ITGA2: variants seen among roughly 807,000 people sequenced by gnomAD.
ITGA2 encodes integrin subunit alpha 2, also known as integrin alpha-2.
A neutral mutation model predicts 146.3 loss-of-function variants in ITGA2; 101 were observed. That is an observed-to-expected ratio of 0.69 (90% CI 0.59 to 0.81). ITGA2 has a LOEUF of 0.81. Ranked by LOEUF, ITGA2 falls within the 40% of genes least tolerant of loss-of-function variation. The probability of loss-of-function intolerance (pLI) is 0.00; values close to 1 mark genes in which losing one functional copy is unlikely to be tolerated. For synonymous variants in ITGA2, 477 were observed against 487.1 expected (o/e 0.98, Z 0.27); for missense variants, 1,281 against 1,402.7 (o/e 0.91, Z 1.39).
intron 24 of ITGA2, among the ~76,000 whole-genome samples, chr5:53,080,121 A>G (rs1191467749): frequency 6.6e-6 from 1 of 152,154 alleles, no homozygotes; most frequent in Non-Finnish European, 1.5e-5. Context: ...CACAGATGGC[A>G]TTTTTAACCA....
chr5:53,042,291 T>A (rs918918248), intron 3 of ITGA2, 70 bp downstream of exon 3: 1 of 1,001,590 alleles, frequency 1.0e-6, no homozygotes, highest in African/African-American at 1.6e-5. Context: ...ATCAGAACAA[T>A]CATTGTTCTG....
rs919940673 is a variant in ITGA2 at position 53,093,379 on chromosome 5, G to C, written c.*2780G>C. The C allele has an allele frequency of 6.6e-6, 1 of 152,138 alleles. No homozygotes were observed. The highest frequency in any genetic ancestry group is 1.5e-5 in the Non-Finnish European group (1 of 68,078). The allele number at this position is 152,138 out of a possible 1,614,324, so 9.4% of individuals were successfully genotyped here. ...GTCTCTGCACCATTTATCACACCAG[G>C]ACAGGGTCTCTCAACCTGGGCGCTA... is the stretch of plus-strand genomic sequence containing the variant. On this transcript the variant is annotated 3_prime_UTR_variant, in exon 30 of 30. Coordinates refer to ENST00000296585, the MANE Select transcript of ITGA2 (RefSeq NM_002203.4).
chr5:53,007,842 T>A (rs1741933666), intron 1 of ITGA2, among the ~76,000 whole-genome samples: 1 of 152,148 alleles, frequency 6.6e-6, no homozygotes, highest in African/African-American at 2.4e-5. Flanking sequence ...TGAAAGGGCC[T>A]CCAAATGATC....
chr5:53,035,829 T>G (rs1195178000), intron 2 of ITGA2, among the ~76,000 whole-genome samples: 1 of 152,152 alleles, frequency 6.6e-6, no homozygotes, highest in Non-Finnish European at 1.5e-5. Flanking sequence ...TGGAAAATTT[T>G]TACGTGCATG....
intron 2 of ITGA2, among the ~76,000 whole-genome samples, chr5:53,028,182 A>C (rs1464810363): frequency 6.6e-6 from 1 of 152,214 alleles, no homozygotes; most frequent in Non-Finnish European, 1.5e-5. Context: ...AGAAAGGTTC[A>C]GGATCACATG....
At chr5:53,015,102 C>A (rs1001900372) in intron 1 of ITGA2, among the ~76,000 whole-genome samples, 2 of 151,438 alleles carry the variant, frequency 1.3e-5, no homozygotes, top group African/African-American at 4.8e-5. Context: ...TCATTCAGTT[C>A]TTCTCTGATT....
In ITGA2 at chr5:53,025,197, A is replaced by G. The variant is rs76243175; in HGVS notation, c.65-1551A>G. Among the ~76,000 whole-genome samples the G allele has an allele frequency of 3.3e-3, 496 of 152,262 alleles. 4 individuals carry two copies. Among genetic ancestry groups the G allele is most frequent in the African/African-American group, 0.011 (445 of 41,576 alleles). Reference sequence around the variant, plus strand: ...AATAGCATTTATTGAGCTCTCCACAATGGGGTGAAGATAAATGTTGGTTGA... The same window carrying G: ...AATAGCATTTATTGAGCTCTCCACAGTGGGGTGAAGATAAATGTTGGTTGA... On this transcript the variant is annotated intron_variant, in intron 1 of 29. Coordinates refer to ENST00000296585, the MANE Select transcript of ITGA2 (RefSeq NM_002203.4).
chr5:53,090,521 C>T lies in ITGA2; in HGVS notation c.3468C>T (p.Leu1156=), dbSNP rs531394832. 14 of 1,613,566 alleles carry T rather than the reference C, an allele frequency of 8.7e-6. No individual in the cohort carries two copies. The highest frequency in any genetic ancestry group is 5.5e-5 in the South Asian group (5 of 91,052). ...LLALVAILWK[L]GFFKRKYEKM... ...TTCTTATATCATCACCTTTACAGCT[C>T]GGCTTCTTCAAAAGAAAATATGAAA... Residue 1156 remains leucine, a splice_region_variant and synonymous_variant, in exon 30 of 30, where the codon CTC becomes CTT. Transcript: ENST00000296585.
chr5:53,061,103 G>A, intron 12 of ITGA2, 57 bp downstream of exon 12: 1 of 1,562,282 alleles, frequency 6.4e-7, no homozygotes, highest in East Asian at 2.2e-5. Flanking sequence ...GGCAGGTGGG[G>A]AGTCAGGTGA....
At chr5:53,049,836 A>G (rs558136022) in intron 6 of ITGA2, among the ~76,000 whole-genome samples, 1 of 150,964 alleles carries the variant, frequency 6.6e-6, no homozygotes, top group South Asian at 2.1e-4. Context: ...CTAATGTCCA[A>G]CATCTAATAC....
chr5:53,021,481 A>C (rs1244740444), intron 1 of ITGA2, among the ~76,000 whole-genome samples: 2 of 152,144 alleles, frequency 1.3e-5, no homozygotes, highest in Non-Finnish European at 2.9e-5. Context: ...AGTAGATAAC[A>C]TTCTCCCAGA....
chr5:53,091,973 C>T lies in ITGA2; in HGVS notation c.*1374C>T, dbSNP rs897726828. ...AAACTTCCACAAGAGTGAATTTGACCTAGGCAAGTTTGTTCAAAAGGTAGA... is the reference window on the plus strand; with the variant it reads ...AAACTTCCACAAGAGTGAATTTGACTTAGGCAAGTTTGTTCAAAAGGTAGA... On this transcript the variant is annotated 3_prime_UTR_variant, in exon 30 of 30. Coordinates refer to ENST00000296585, the MANE Select transcript of ITGA2 (RefSeq NM_002203.4). The T allele has an allele frequency of 6.6e-6, 1 of 152,084 alleles. No individual in the cohort carries two copies. The highest frequency in any genetic ancestry group is 6.6e-5 in the Admixed American group (1 of 15,260). 9.4% of individuals were successfully genotyped at this position (152,084 alleles called of 1,614,324 possible). A position where few individuals can be genotyped will look rare whatever the true frequency, so the allele number is the denominator to read the frequency against.
At chr5:53,074,936 C>A in intron 21 of ITGA2, 125 bp from the exon 22 acceptor site, 1 of 703,654 alleles carries the variant, frequency 1.4e-6, no homozygotes. Context: ...AATTTGAAAG[C>A]TTAAGGTATA....
Position 53,093,103 on chromosome 5 carries a change from T to TCAAA in ITGA2, c.*2517_*2520dup, listed in dbSNP as rs72277253. 1 of 151,958 alleles carries TCAAA rather than the reference T, an allele frequency of 6.6e-6. No homozygotes were observed. Among genetic ancestry groups the TCAAA allele is most frequent in the African/African-American group, 2.4e-5 (1 of 41,394 alleles). The allele number at this position is 151,958 out of a possible 1,614,324, so 9.4% of individuals were successfully genotyped here. On this transcript the variant is annotated 3_prime_UTR_variant, in exon 30 of 30. Transcript: ENST00000296585. ...CTGGGTGACAGGGCAAGACTCTGTC[T>TCAAA]CAAACAAACAAACAAAAAAAAAGTT... is the stretch of plus-strand genomic sequence containing the variant.
chr5:53,010,455 A>G (rs1275819279), intron 1 of ITGA2, among the ~76,000 whole-genome samples: 1 of 152,088 alleles, frequency 6.6e-6, no homozygotes, highest in East Asian at 1.9e-4. Flanking sequence ...TTGAAATGGG[A>G]GTGTCTATCA....
chr5:53,024,980 T>G (rs1411690554), intron 1 of ITGA2, among the ~76,000 whole-genome samples: 3 of 152,228 alleles, frequency 2.0e-5, no homozygotes, highest in Non-Finnish European at 4.4e-5. Context: ...ATAATTGAAC[T>G]GCTAAATGAT....
chr5:53,090,875 A>T lies in ITGA2; in HGVS notation c.*276A>T. 1 of 593,548 alleles carries T rather than the reference A, an allele frequency of 1.7e-6. No individual in the cohort carries two copies. The highest frequency in any genetic ancestry group is 3.0e-6 in the Non-Finnish European group (1 of 334,006). The allele number at this position is 593,548 out of a possible 1,614,324, so 36.8% of individuals were successfully genotyped here. On this transcript the variant is annotated 3_prime_UTR_variant, in exon 30 of 30. Coordinates refer to ENST00000296585, the MANE Select transcript of ITGA2 (RefSeq NM_002203.4). The stretch of plus-strand genomic sequence containing the variant: ...TTAAACTGGCTGGCCCAGAGTTTAC[A>T]TTCTAATTTGCATTGTGTCAGAAAC...
intron 1 of ITGA2, among the ~76,000 whole-genome samples, chr5:53,009,654 T>G (rs1442412285): frequency 6.6e-6 from 1 of 152,144 alleles, no homozygotes; most frequent in Non-Finnish European, 1.5e-5. Flanking sequence ...CCTATCTAGA[T>G]TGATTATATA....
chr5:53,058,354 C>G (rs142850480), intron 10 of ITGA2, among the ~76,000 whole-genome samples: 20 of 151,866 alleles, frequency 1.3e-4, no homozygotes, highest in African/African-American at 4.8e-4. Context: ...CTTTGAGTAC[C>G]CCAGGGCACA....
Sources: allele counts gnomAD v4.1 joint callset (sites outside exome capture counted in the v4.1 genomes callset), GRCh38; gene constraint gnomAD v4.1.1; transcripts MANE v1.5; gene names NCBI Gene and HGNC (gene_info 2026-07-23, HGNC 2026-07-21).